Variants in MAPT observed in about 807,000 individuals in gnomAD.
MAPT encodes microtubule associated protein tau.
Under a neutral mutation model 67.9 loss-of-function variants are expected in MAPT, and 34 were observed. That is an observed-to-expected ratio of 0.50 (90% CI 0.38 to 0.67). The LOEUF (loss-of-function observed/expected upper bound fraction) is 0.67. Ranked by LOEUF, MAPT falls within the 30% of genes least tolerant of loss-of-function variation. The pLI is 0.00. For missense variants in MAPT, 881 were observed against 1,115.2 expected (o/e 0.79, Z 2.99); for synonymous variants, 456 against 464.5 (o/e 0.98, Z 0.23).
intron 12 of MAPT, among the ~76,000 whole-genome samples, chr17:46,019,217 C>T (rs1197239023): frequency 6.6e-6 from 1 of 152,094 alleles, no homozygotes; most frequent in Non-Finnish European, 1.5e-5. Context: ...CAGGGGAACT[C>T]CCATTTATAA....
At chr17:45,999,353 T>A in intron 9 of MAPT, 4 of 1,614,010 alleles carry the variant, frequency 2.5e-6, no homozygotes, top group Non-Finnish European at 3.4e-6. Flanking sequence ...CCGGCCCTCA[T>A]TGAATGCGGG....
chr17:45,934,050 CTT>C (rs975343487), intron 1 of MAPT, among the ~76,000 whole-genome samples: 3 of 152,066 alleles, frequency 2.0e-5, no homozygotes, highest in Admixed American at 1.3e-4. Flanking sequence ...ATTTTGCACT[CTT>C]GATGTGTTTC....
Position 45,913,652 on chromosome 17 carries a change from C to T in MAPT, c.-18+18966C>T, listed in dbSNP as rs938996026. On this transcript the variant is annotated intron_variant, in intron 1 of 12. Transcript: ENST00000262410. ...TACAGGAAGATGCTGGCTCTGGATT[C>T]GCTGGAGGAGCTTTCAAGGGAAGTA... 3.9e-5 allele frequency among the ~76,000 whole-genome samples: 6 copies of T among 152,196 alleles called. No homozygotes were observed. The South Asian group carries it at 6.2e-4, about 16-fold the overall frequency.
At chr17:45,930,911 G>C (rs909892340) in intron 1 of MAPT, among the ~76,000 whole-genome samples, 1 of 152,178 alleles carries the variant, frequency 6.6e-6, no homozygotes, top group Non-Finnish European at 1.5e-5. Flanking sequence ...GGGGCTGAGT[G>C]GGGGCCAGAC....
In MAPT at chr17:45,985,680, G is replaced by T. The variant is rs927008284; in HGVS notation, c.1352-1360G>T. The T allele has an allele frequency of 1.5e-5, 15 of 985,286 alleles. No individual in the cohort carries two copies. In the South Asian group the frequency reaches 2.3e-4, roughly 15 times the overall value. The allele number at this position is 985,286 out of a possible 1,614,324, so 61.0% of individuals were successfully genotyped here. On this transcript the variant is annotated intron_variant, in intron 5 of 12. Transcript: ENST00000262410. ...TCCTGGAGGAAGTTTGGGAAATGCC[G>T]ATTTAGCAGATTCTTTTGTTGTGCC...
rs1310746791 is a variant in MAPT, at chr17:45,983,124, C to T, written c.545C>T (p.Ala182Val). Residue 182 changes from alanine to valine, a missense_variant, in exon 5 of 13, where the codon GCC (alanine) becomes GTC (valine). By Grantham distance (64) the Ala-to-Val change is moderately conservative. This residue lies in a region of MAPT where 687 missense variants were observed against 766.1 expected (regional missense o/e 0.90). Transcript: ENST00000262410. ...TGGGGACAAAAAGGCGGGGACTGGG[C>T]CGAGAAGGGTCCGGCCTTTCCGAAG... ...LEWGQKGGDW[A>V]EKGPAFPKPA... 1.3e-6 allele frequency: 2 copies of T among 1,572,860 alleles called. No homozygotes were observed. Among genetic ancestry groups the T allele is most frequent in the African/African-American group, 1.3e-5 (1 of 74,446 alleles).
chr17:46,027,445 C>T lies in MAPT; in HGVS notation c.*3274C>T, dbSNP rs898764865. The stretch of plus-strand genomic sequence containing the variant: ...CTAGATAGGATATACTGTATGCCGG[C>T]TCCTTCAAGCTGCTGACTCACTTTA... On this transcript the variant is annotated 3_prime_UTR_variant, in exon 13 of 13. Coordinates refer to ENST00000262410, the MANE Select transcript of MAPT (RefSeq NM_001377265.1). The T allele has an allele frequency of 6.6e-6, 1 of 152,548 alleles. No homozygotes were observed. The highest frequency in any genetic ancestry group is 2.4e-5 in the African/African-American group (1 of 41,462). 9.4% of individuals were successfully genotyped at this position (152,548 alleles called of 1,614,324 possible).
chr17:45,974,135 C>T, intron 3 of MAPT: 2 of 562,970 alleles, frequency 3.6e-6, no homozygotes, highest in Non-Finnish European at 6.4e-6. Context: ...AGCGTTTACA[C>T]AGGGCTGCCG....
intron 6 of MAPT, among the ~76,000 whole-genome samples, chr17:45,989,401 A>G (rs946526030): frequency 2.4e-4 from 36 of 152,336 alleles, no homozygotes; most frequent in Admixed American, 2.2e-3. Context: ...CTGTAATCCC[A>G]GCACTTTGGG....
At chr17:45,946,615 A>AAAAAAAATATATAT in intron 1 of MAPT, among the ~76,000 whole-genome samples, 13 of 100,396 alleles carry the variant, frequency 1.3e-4, no homozygotes, top group African/African-American at 5.7e-4. Flanking sequence ...AAAAAAAAAA[A>AAAAAAAATATATAT]ATATATATAT....
intron 6 of MAPT, 92 bp downstream of exon 6, chr17:45,987,187 G>A (rs1481933069): frequency 8.0e-7 from 1 of 1,246,950 alleles, no homozygotes; most frequent in East Asian, 2.4e-5. Flanking sequence ...ATAATGTGGG[G>A]AGTATTTGTC....
chr17:45,932,594 C>CAA lies in MAPT; in HGVS notation c.-17-29707_-17-29706dup, dbSNP rs982542546. The stretch of plus-strand genomic sequence containing the variant: ...TGGGAGACAGAGTAAGACTCCATCT[C>CAA]AAAAAAAAAAAAAAAAAAAAAGAAC... On this transcript the variant is annotated intron_variant, in intron 1 of 12. Coordinates refer to ENST00000262410, the MANE Select transcript of MAPT (RefSeq NM_001377265.1). 2.5e-3 allele frequency among the ~76,000 whole-genome samples: 126 copies of CAA among 49,466 alleles called. 1 individual carries two copies. Among genetic ancestry groups the CAA allele is most frequent in the Non-Finnish European group, 3.1e-3 (85 of 27,206 alleles). 32.5% of individuals were successfully genotyped at this position (49,466 alleles called of 152,430 possible). A position where few individuals can be genotyped will look rare whatever the true frequency, so the allele number is the denominator to read the frequency against.
intron 9 of MAPT, chr17:45,999,329 G>A (rs914420631): frequency 1.2e-6 from 2 of 1,613,852 alleles, no homozygotes; most frequent in African/African-American, 2.7e-5. Context: ...GCCCCCACAA[G>A]ACTGTGCAGG....
chr17:45,913,068 T>C (rs1344859171), intron 1 of MAPT, among the ~76,000 whole-genome samples: 1 of 152,168 alleles, frequency 6.6e-6, no homozygotes, highest in African/African-American at 2.4e-5. Flanking sequence ...CCAGGCTAAG[T>C]TTCTGTATTA....
chr17:45,908,966 GT>G (rs113416630), intron 1 of MAPT, among the ~76,000 whole-genome samples: 1,824 of 152,298 alleles, frequency 0.012, 39 homozygotes, highest in African/African-American at 0.042. Context: ...TTCAAGAAAA[GT>G]TTTAGAAGCA....
chr17:46,006,019 G>C (rs2075384240), intron 9 of MAPT, among the ~76,000 whole-genome samples: 1 of 152,176 alleles, frequency 6.6e-6, no homozygotes, highest in Non-Finnish European at 1.5e-5. Context: ...GGGCAAGAAA[G>C]GTGATGTGGC....
At chr17:45,929,790 G>T (rs1027547221) in intron 1 of MAPT, among the ~76,000 whole-genome samples, 1 of 152,132 alleles carries the variant, frequency 6.6e-6, no homozygotes, top group African/African-American at 2.4e-5. Context: ...ATGTTCTGAT[G>T]ATTTATTCTT....
intron 2 of MAPT, 48 bp downstream of exon 2, chr17:45,962,518 G>A: frequency 6.2e-7 from 1 of 1,608,902 alleles, no homozygotes; most frequent in Non-Finnish European, 8.5e-7. Flanking sequence ...GCAAGCCAAG[G>A]GGTGGCGGGA....
intron 1 of MAPT, among the ~76,000 whole-genome samples, chr17:45,936,174 C>T (rs181134106): frequency 6.6e-6 from 1 of 152,356 alleles, no homozygotes; most frequent in South Asian, 2.1e-4. Flanking sequence ...GCTTCCTGGC[C>T]AGACCGAATA....
Sources: gnomAD v4.1 joint callset for allele counts (sites outside exome capture counted in the v4.1 genomes callset) on GRCh38, gnomAD v4.1.1 for gene constraint, gnomAD v4.1.1 regional missense constraint, MANE v1.5 for transcripts, NCBI Gene and HGNC (gene_info 2026-07-23, HGNC 2026-07-21) for gene names.